STARD4: variants seen among roughly 807,000 people sequenced by gnomAD.
STARD4 encodes the protein StAR related lipid transfer domain containing 4.
A neutral mutation model predicts 24.9 loss-of-function variants in STARD4; 33 were observed. The observed-to-expected ratio is 1.32, with a 90% CI of 1.00 to 1.77. The LOEUF (loss-of-function observed/expected upper bound fraction) is 1.77, where lower values mean the gene tolerates loss of function less well. STARD4 is among the 40% of genes most tolerant of loss of function. STARD4 has a pLI of 0.00. For synonymous variants in STARD4, 88 were observed against 77.4 expected (o/e 1.14, Z -0.72); for missense variants, 238 against 249.3 (o/e 0.95, Z 0.31).
rs1459138342 is a variant in STARD4, at chr5:111,498,474, G to C, written c.*1412C>G. ...TCCTAGATAGAACAGTAGAATATGA[G>C]ACTTCCTACTCTACGCTAATAAAAA... On this transcript the variant is annotated 3_prime_UTR_variant, in exon 6 of 6. Transcript: ENST00000296632. The C allele has an allele frequency of 1.3e-5, 2 of 151,206 alleles. No homozygotes were observed. Among genetic ancestry groups the C allele is most frequent in the East Asian group, 1.9e-4 (1 of 5,184 alleles). The allele number at this position is 151,206 out of a possible 1,614,324, so 9.4% of individuals were successfully genotyped here. A position where few individuals can be genotyped will look rare whatever the true frequency, so the allele number is the denominator to read the frequency against.
intron 5 of STARD4, chr5:111,500,474 G>A (rs1242178931): frequency 9.6e-7 from 1 of 1,045,680 alleles, no homozygotes; most frequent in Non-Finnish European, 1.1e-6. Context: ...GTACTGGCTA[G>A]TTAAGAATAA....
At chr5:111,500,667 T>A (rs2112540946) in intron 5 of STARD4, 1 of 1,293,158 alleles carries the variant, frequency 7.7e-7, no homozygotes, top group Middle Eastern at 2.9e-4. Context: ...CCAAATCTAG[T>A]ACTTCTCTGT....
chr5:111,502,575 C>T (rs187316388), intron 3 of STARD4, among the ~76,000 whole-genome samples: 1 of 152,078 alleles, frequency 6.6e-6, no homozygotes, highest in East Asian at 1.9e-4. Flanking sequence ...GGGCAGATCA[C>T]CTGAGGTAGG....
chr5:111,501,688 T>C (rs1756463327), intron 4 of STARD4, among the ~76,000 whole-genome samples: 1 of 152,180 alleles, frequency 6.6e-6, no homozygotes, highest in South Asian at 2.1e-4. Context: ...TTAACTAAAG[T>C]TTTACAATGA....
In STARD4 at chr5:111,502,453, A is replaced by T. The variant is rs370214248; in HGVS notation, c.156-365T>A. Among the ~76,000 whole-genome samples the T allele has an allele frequency of 8.0e-4, 120 of 150,474 alleles. 2 individuals are homozygous for T. In the South Asian group the frequency reaches 0.023, roughly 29 times the overall value. On this transcript the variant is annotated intron_variant, in intron 3 of 5. Transcript: ENST00000296632. Reference sequence around the variant, plus strand: ...CACTGCACTCCAGCCTAGGTGACGGAGTGAGATTCCATCTCAAAAAAAAAA... The same window carrying T: ...CACTGCACTCCAGCCTAGGTGACGGTGTGAGATTCCATCTCAAAAAAAAAA...
chr5:111,501,053 A>C lies in STARD4; in HGVS notation c.346T>G (p.Phe116Val), dbSNP rs778102501. The change falls in exon 5 of 6, where the codon TTT becomes GTT. Residue 116 changes from phenylalanine (F) to valine (V), a missense_variant. Physicochemically the swap from Phe to Val is conservative, Grantham distance 50. Transcript: ENST00000296632. ...CCCACAGTATAGGAGAAATCAACAAATTCTCTTGGGGAAATTATATTCCAA... is the reference window on the plus strand; with the variant it reads ...CCCACAGTATAGGAGAAATCAACAACTTCTCTTGGGGAAATTATATTCCAA... ...QLWNIISPREFVDFSYTVGYK... is the reference protein window; with the variant it reads ...QLWNIISPREVVDFSYTVGYK... 6.2e-7 allele frequency: 1 copy of C among 1,613,096 alleles called. No individual in the cohort carries two copies. Among genetic ancestry groups the C allele is most frequent in the South Asian group, 1.1e-5 (1 of 90,898 alleles).
chr5:111,501,231 A>G, intron 4 of STARD4, 115 bp from the exon 5 acceptor site: 1 of 1,138,078 alleles, frequency 8.8e-7, no homozygotes, highest in Admixed American at 3.2e-5. Context: ...TTTCATAATT[A>G]TAATAATTCT....
At chr5:111,508,265 C>G (rs145622665) in intron 1 of STARD4, among the ~76,000 whole-genome samples, 2 of 152,084 alleles carry the variant, frequency 1.3e-5, no homozygotes, top group East Asian at 3.9e-4. Flanking sequence ...CTTTGACCAC[C>G]TCATTCCTAA....
Position 111,506,368 on chromosome 5 carries a change from A to T in STARD4, c.117T>A (p.Thr39=), listed in dbSNP as rs1295165692. The change falls in exon 3 of 6, where the codon ACT becomes ACA. Residue 39 remains threonine (T), a synonymous_variant. Transcript: ENST00000296632. ...ATTCTTCTGAGGGTTTTCTCCAAAC[A>T]GTTACATCTTTCTAGAAAAATAAAA... ...WRVAKKTKDV[T]VWRKPSEEFN... is the part of the protein sequence containing the mutation. The T allele has an allele frequency of 6.7e-7, 1 of 1,494,434 alleles. No homozygotes were observed. Among genetic ancestry groups the T allele is most frequent in the Non-Finnish European group, 9.2e-7 (1 of 1,085,304 alleles). The allele number at this position is 1,494,434 out of a possible 1,614,324, so 92.6% of individuals were successfully genotyped here.
At chr5:111,500,783 A>AGAG in intron 5 of STARD4, 1 of 1,455,040 alleles carries the variant, frequency 6.9e-7, no homozygotes, top group South Asian at 1.5e-5. Flanking sequence ...CCTCTGACCT[A>AGAG]GAGGATACTG....
At position 111,503,260 on chromosome 5, in the gene STARD4, T is replaced by C. The variant is rs1295092631; in HGVS notation, c.156-1172A>G. Among the ~76,000 whole-genome samples, 3 of 152,194 alleles carry C rather than the reference T, an allele frequency of 2.0e-5. No homozygotes were observed. In the South Asian group the frequency reaches 6.2e-4, roughly 31 times the overall value. On this transcript the variant is annotated intron_variant, in intron 3 of 5. Coordinates refer to ENST00000296632, the MANE Select transcript of STARD4 (RefSeq NM_139164.3). Reference sequence around the variant, plus strand: ...TGCCTAGATTCAATAGTTATCCTTATGGAGAAAATAAAACTTAGATTCCTA... The same window carrying C: ...TGCCTAGATTCAATAGTTATCCTTACGGAGAAAATAAAACTTAGATTCCTA...
chr5:111,504,743 G>C (rs1756723511), intron 3 of STARD4, among the ~76,000 whole-genome samples: 1 of 152,118 alleles, frequency 6.6e-6, no homozygotes, highest in African/African-American at 2.4e-5. Flanking sequence ...AATTAATCTA[G>C]TCAAATTAGA....
rs1445739639 is a variant in STARD4 at position 111,506,441 on chromosome 5, G to C, written c.106-62C>G. ...TAGGTGGAACCCTAGACACAAAACT[G>C]ATAATTTTATAAGTCTATAGAATTT... is the stretch of plus-strand genomic sequence containing the variant. On this transcript the variant is annotated intron_variant, in intron 2 of 5. Transcript: ENST00000296632. 9 of 757,816 alleles carry C rather than the reference G, an allele frequency of 1.2e-5. No homozygotes were observed. The East Asian group carries it at 2.3e-4, about 19-fold the overall frequency. 46.9% of individuals were successfully genotyped at this position (757,816 alleles called of 1,614,324 possible). A position where few individuals can be genotyped will look rare whatever the true frequency, so the allele number is the denominator to read the frequency against.
At position 111,499,873 on chromosome 5, in the gene STARD4, T is replaced by A. The variant is rs528886926; in HGVS notation, c.*13A>T. The A allele has an allele frequency of 1.2e-6, 2 of 1,610,044 alleles. No homozygotes were observed. The highest frequency in any genetic ancestry group is 2.7e-5 in the African/African-American group (2 of 74,984). ...TGATCTGTAGTACTACAAGTTTGAA[T>A]GTATTTTGCCTCTCATAAAGCTTTT... On this transcript the variant is annotated 3_prime_UTR_variant, in exon 6 of 6. Transcript: ENST00000296632.
chr5:111,504,630 T>C (rs1756711742), intron 3 of STARD4, among the ~76,000 whole-genome samples: 1 of 152,186 alleles, frequency 6.6e-6, no homozygotes, highest in South Asian at 2.1e-4. Context: ...TGTGAAGCTA[T>C]TTAATCATTT....
chr5:111,500,749 C>T lies in STARD4; in HGVS notation c.397+253G>A, dbSNP rs888691516. ...ATTTACTAGAACCCTTTCTTAGAGGCAGTCATGTGATCCACATTTGCTACC... is the reference window on the plus strand; with the variant it reads ...ATTTACTAGAACCCTTTCTTAGAGGTAGTCATGTGATCCACATTTGCTACC... On this transcript the variant is annotated intron_variant, in intron 5 of 5. Coordinates refer to ENST00000296632, the MANE Select transcript of STARD4 (RefSeq NM_139164.3). 1.2e-4 allele frequency: 171 copies of T among 1,417,580 alleles called. 1 individual carries two copies. The highest frequency in any genetic ancestry group is 9.8e-4 in the South Asian group (60 of 61,328). The allele number at this position is 1,417,580 out of a possible 1,614,324, so 87.8% of individuals were successfully genotyped here.
In STARD4 at chr5:111,500,163, C is replaced by G. The variant is rs137914408; in HGVS notation, c.398-57G>C. 2.0e-3 allele frequency: 2,977 copies of G among 1,459,926 alleles called. 12 individuals are homozygous for G. The highest frequency in any genetic ancestry group is 5.4e-3 in the Middle Eastern group (22 of 4,098). 90.4% of individuals were successfully genotyped at this position (1,459,926 alleles called of 1,614,324 possible). A position where few individuals can be genotyped will look rare whatever the true frequency, so the allele number is the denominator to read the frequency against. ...ATAGCAATAACTGACATAAAACTCT[C>G]ATTTTAAAATATTACCAGAATTCTT... On this transcript the variant is annotated intron_variant, in intron 5 of 5. Coordinates refer to ENST00000296632, the MANE Select transcript of STARD4 (RefSeq NM_139164.3).
rs1327056148 is a variant in STARD4, at chr5:111,496,127, A to C, written c.*3759T>G. ...ACTAATACATATTATTAGTTTAATAAATATTCTAGTTTTACATATTGGTTC... is the reference window on the plus strand; with the variant it reads ...ACTAATACATATTATTAGTTTAATACATATTCTAGTTTTACATATTGGTTC... On this transcript the variant is annotated 3_prime_UTR_variant, in exon 6 of 6. Transcript: ENST00000296632. 3 of 152,028 alleles carry C rather than the reference A, an allele frequency of 2.0e-5. No individual in the cohort carries two copies. The highest frequency in any genetic ancestry group is 4.4e-5 in the Non-Finnish European group (3 of 67,956). The allele number at this position is 152,028 out of a possible 1,614,324, so 9.4% of individuals were successfully genotyped here. A position where few individuals can be genotyped will look rare whatever the true frequency, so the allele number is the denominator to read the frequency against.
Position 111,501,034 on chromosome 5 carries a change from G to C in STARD4, c.365C>G (p.Thr122Ser), listed in dbSNP as rs750292527. Residue 122 changes from threonine to serine, a missense_variant, in exon 5 of 6, where the codon ACT (threonine) becomes AGT (serine). Thr to Ser is a moderately conservative substitution (Grantham distance 58). Coordinates refer to ENST00000296632, the MANE Select transcript of STARD4 (RefSeq NM_139164.3). ...SPREFVDFSY[T>S]VGYKEGLLSC... is the part of the protein sequence containing the mutation. Reference sequence around the variant, plus strand: ...TAAAAGCCCTTCTTTATAGCCCACAGTATAGGAGAAATCAACAAATTCTCT... The same window carrying C: ...TAAAAGCCCTTCTTTATAGCCCACACTATAGGAGAAATCAACAAATTCTCT... The C allele has an allele frequency of 9.9e-6, 16 of 1,613,502 alleles. 2 individuals are homozygous for C. The South Asian group carries it at 1.6e-4, about 17-fold the overall frequency.
Sources: gnomAD v4.1 joint callset for allele counts (sites outside exome capture counted in the v4.1 genomes callset) on GRCh38, gnomAD v4.1.1 for gene constraint, MANE v1.5 for transcripts, NCBI Gene and HGNC (gene_info 2026-07-23, HGNC 2026-07-21) for gene names.